ZFP64: variants seen among roughly 807,000 people sequenced by gnomAD.
ZFP64 encodes the protein zinc finger protein 64.
In ZFP64, 14 loss-of-function variants were observed where a neutral mutation model predicts 51.6. The observed-to-expected ratio is 0.27, with a 90% confidence interval of 0.18 to 0.42. The LOEUF (loss-of-function observed/expected upper bound fraction) is 0.42, where lower values mean the gene tolerates loss of function less well. Among genes scored for constraint, ZFP64 ranks in the 10% least tolerant of loss-of-function variants. The pLI is 1.00. For missense variants in ZFP64, 754 were observed against 906.8 expected (o/e 0.83, Z 2.16); for synonymous variants, 375 against 361.4 (o/e 1.04, Z -0.43).
intron 7 of ZFP64, among the ~76,000 whole-genome samples, chr20:52,092,704 A>C (rs972835125): frequency 3.9e-5 from 6 of 152,224 alleles, no homozygotes; most frequent in Middle Eastern, 3.4e-3. Context: ...AAAAATACAA[A>C]AATTAGCCAG....
At chr20:52,166,130 C>T (rs1446154219) in intron 2 of ZFP64, 105 bp from the exon 3 acceptor site, 8 of 1,216,122 alleles carry the variant, frequency 6.6e-6, no homozygotes, top group Non-Finnish European at 9.0e-6. Context: ...GTTTGCTTTC[C>T]CAGCCTCCCT....
intron 5 of ZFP64, among the ~76,000 whole-genome samples, chr20:52,123,208 A>T (rs565240265): frequency 6.6e-6 from 1 of 152,078 alleles, no homozygotes; most frequent in Non-Finnish European, 1.5e-5. Context: ...CCAGGCGAAC[A>T]TGTTCGCCAT....
Position 52,164,908 on chromosome 20 carries a change from C to T in ZFP64, c.449-151G>A, listed in dbSNP as rs75741292. On this transcript the variant is annotated intron_variant, in intron 3 of 5. Coordinates refer to ENST00000216923, the MANE Select transcript of ZFP64 (RefSeq NM_018197.3). ...CTCATGTGCCTTCATATGTGATGAC[C>T]GGGAAAAACACACCGTCATTTTGTG... 1,833 of 717,768 alleles carry T rather than the reference C, an allele frequency of 2.6e-3. 26 individuals are homozygous for T. In the African/African-American group the frequency reaches 0.028, roughly 11 times the overall value. 44.5% of individuals were successfully genotyped at this position (717,768 alleles called of 1,614,324 possible). A position where few individuals can be genotyped will look rare whatever the true frequency, so the allele number is the denominator to read the frequency against.
intron 5 of ZFP64, among the ~76,000 whole-genome samples, chr20:52,158,977 G>A (rs1356891650): frequency 6.6e-6 from 1 of 152,206 alleles, no homozygotes; most frequent in Non-Finnish European, 1.5e-5. Context: ...GGTCCCAGGA[G>A]GAAGATGAGA....
At chr20:52,157,643 A>AT (rs2122983265) in intron 5 of ZFP64, among the ~76,000 whole-genome samples, 1 of 152,218 alleles carries the variant, frequency 6.6e-6, no homozygotes, top group East Asian at 1.9e-4. Context: ...GGACTGACAA[A>AT]TGCCTCCCGT....
Position 52,088,771 on chromosome 20 carries a change from T to C in ZFP64, c.977-128A>G, listed in dbSNP as rs2078890832. 4 of 1,159,900 alleles carry C rather than the reference T, an allele frequency of 3.4e-6. No homozygotes were observed. The East Asian group carries it at 7.0e-5, about 20-fold the overall frequency. The allele number at this position is 1,159,900 out of a possible 1,614,324, so 71.9% of individuals were successfully genotyped here. The stretch of plus-strand genomic sequence containing the variant: ...CTGTCCAAATACTGAGAGAGAAAGA[T>C]ACTGAAGTCTACATCAGCATATTGG... On this transcript the variant is annotated intron_variant, in intron 7 of 8. Coordinates refer to the ZFP64 transcript ENST00000361387.
chr20:52,110,723 T>C, intron 5 of ZFP64: 2 of 1,591,384 alleles, frequency 1.3e-6, no homozygotes, highest in East Asian at 2.2e-5. Context: ...GCTCCAACCT[T>C]AACTGCCCCA....
At chr20:52,127,692 A>G (rs1239881287) in intron 5 of ZFP64, among the ~76,000 whole-genome samples, 1 of 152,368 alleles carries the variant, frequency 6.6e-6, no homozygotes, top group South Asian at 2.1e-4. Context: ...ATGGATTAAT[A>G]CAGGAAGCAA....
rs1978303250 is a variant in ZFP64 at position 52,105,198 on chromosome 20, A to G, written c.764-6611T>C. 5 of 1,436,554 alleles carry G rather than the reference A, an allele frequency of 3.5e-6. No individual in the cohort carries two copies. In the African/African-American group the frequency reaches 6.0e-5, roughly 17 times the overall value. The allele number at this position is 1,436,554 out of a possible 1,614,324, so 89.0% of individuals were successfully genotyped here. ...CGGCGCGCAGGCCGCGGCTCCTCGGAGTTGAGGTGCTGGGGCTTGGCCTGC... is the reference window on the plus strand; with the variant it reads ...CGGCGCGCAGGCCGCGGCTCCTCGGGGTTGAGGTGCTGGGGCTTGGCCTGC... On this transcript the variant is annotated intron_variant, in intron 5 of 8. Coordinates refer to the ZFP64 transcript ENST00000361387.
intron 5 of ZFP64, among the ~76,000 whole-genome samples, chr20:52,101,847 C>T (rs539869396): frequency 1.2e-3 from 187 of 149,934 alleles, no homozygotes; most frequent in Middle Eastern, 7.0e-3. Flanking sequence ...AGCCGGGTGC[C>T]GTGGCTCATG....
In ZFP64 at chr20:52,187,453, C is replaced by T. The variant is rs541388436; in HGVS notation, c.47-382G>A. On this transcript the variant is annotated intron_variant, in intron 1 of 5. Transcript: ENST00000216923. ...CCTGGCCAACATGGTGAAATCCCGT[C>T]TCTACTAAAAATACAAAAATTAGCT... is the stretch of plus-strand genomic sequence containing the variant. 2.0e-5 allele frequency among the ~76,000 whole-genome samples: 3 copies of T among 152,056 alleles called. No individual in the cohort carries two copies. In the East Asian group the frequency reaches 5.8e-4, roughly 30 times the overall value.
At chr20:52,091,985 C>T (rs919119391) in intron 7 of ZFP64, among the ~76,000 whole-genome samples, 2 of 151,784 alleles carry the variant, frequency 1.3e-5, no homozygotes, top group Non-Finnish European at 2.9e-5. Context: ...AGCGAAACTC[C>T]GTCTCAAAAC....
chr20:52,164,870 G>C (rs1196536096), intron 3 of ZFP64, 113 bp from the exon 4 acceptor site: 1 of 831,122 alleles, frequency 1.2e-6, no homozygotes, highest in South Asian at 1.4e-5. Flanking sequence ...CCACGGTAAT[G>C]GGAAAAAGAG....
chr20:52,190,311 A>G (rs1484963783), intron 1 of ZFP64, among the ~76,000 whole-genome samples: 4 of 152,222 alleles, frequency 2.6e-5, no homozygotes, highest in Non-Finnish European at 4.4e-5. Flanking sequence ...AAGGATTTTC[A>G]TAACAGATAA....
intron 2 of ZFP64, chr20:52,175,971 G>A (rs1201582908): frequency 6.1e-6 from 6 of 984,964 alleles, no homozygotes; most frequent in East Asian, 2.3e-4. Context: ...GCGTTAGACC[G>A]GCCCAAATGT....
intron 5 of ZFP64, among the ~76,000 whole-genome samples, chr20:52,142,839 CAAAAAAAA>C (rs386393987): frequency 1.8e-5 from 1 of 55,046 alleles, no homozygotes; most frequent in Non-Finnish European, 3.6e-5. Context: ...GACTCCATCT[CAAAAAAAA>C]AAAAAAAAAA....
chr20:52,147,095 A>C (rs1980565082), downstream of ZFP64, among the ~76,000 whole-genome samples: 1 of 152,250 alleles, frequency 6.6e-6, no homozygotes, highest in South Asian at 2.1e-4. Context: ...GAACTTATCA[A>C]AAGAATGACT....
chr20:52,109,217 C>A (rs1356437492), intron 5 of ZFP64, among the ~76,000 whole-genome samples: 1 of 151,786 alleles, frequency 6.6e-6, no homozygotes, highest in Non-Finnish European at 1.5e-5. Flanking sequence ...GTGGCATGAT[C>A]TTGGCTCACG....
intron 7 of ZFP64, among the ~76,000 whole-genome samples, chr20:52,090,016 A>G (rs1367178026): frequency 6.6e-6 from 1 of 152,230 alleles, no homozygotes; most frequent in African/African-American, 2.4e-5. Flanking sequence ...AATGGAAGAT[A>G]CAGCTAAAGA....
Sources: gnomAD v4.1 joint callset for allele counts (sites outside exome capture counted in the v4.1 genomes callset) on GRCh38, gnomAD v4.1.1 for gene constraint, MANE v1.5 for transcripts, NCBI Gene and HGNC (gene_info 2026-07-23, HGNC 2026-07-21) for gene names.